BFSP1: variants seen among roughly 807,000 people sequenced by gnomAD.
BFSP1 encodes the protein filensin.
A neutral mutation model predicts 43.9 loss-of-function variants in BFSP1; 38 were observed. The ratio of observed to expected loss-of-function variants is 0.87; its 90% CI spans 0.67 to 1.14. The LOEUF (loss-of-function observed/expected upper bound fraction) is 1.14. Ranked by LOEUF, BFSP1 falls within the 50% of genes most tolerant of loss-of-function variation. The pLI, the probability that BFSP1 is intolerant of heterozygous loss-of-function variation, is 0.00. For synonymous variants in BFSP1, 352 were observed against 354.8 expected (o/e 0.99, Z 0.09); for missense variants, 850 against 875.1 (o/e 0.97, Z 0.36).
At chr20:17,543,403 T>C (rs1039308038) in intron 1 of BFSP1, among the ~76,000 whole-genome samples, 3 of 152,250 alleles carry the variant, frequency 2.0e-5, no homozygotes, top group Non-Finnish European at 1.5e-5. Flanking sequence ...TCAATCCAAC[T>C]TGTTATTAGA....
intron 4 of BFSP1, among the ~76,000 whole-genome samples, chr20:17,509,308 C>T (rs1701212532): frequency 6.6e-6 from 1 of 150,442 alleles, no homozygotes; most frequent in African/African-American, 2.5e-5. Flanking sequence ...GTCTTCAAGC[C>T]AGAAAGAGAG....
At position 17,531,084 on chromosome 20, in the gene BFSP1, G is replaced by A. The variant is rs1359437244; in HGVS notation, c.246C>T (p.Ala82=). The A allele has an allele frequency of 1.5e-6, 2 of 1,374,214 alleles. No individual in the cohort carries two copies. Among genetic ancestry groups the A allele is most frequent in the African/African-American group, 1.5e-5 (1 of 65,988 alleles). 85.1% of individuals were successfully genotyped at this position (1,374,214 alleles called of 1,614,324 possible). ...LDAFQRLGEL[A]GPEDALARQV... Reference sequence around the variant, plus strand: ...GGCGGGCGAGGGCGTCCTCGGGCCCGGCCAGCTCGCCCAGGCGCTGGAAGG... The same window carrying A: ...GGCGGGCGAGGGCGTCCTCGGGCCCAGCCAGCTCGCCCAGGCGCTGGAAGG... Residue 82 remains alanine (A), a synonymous_variant, in exon 1 of 8, where the codon GCC becomes GCT. Coordinates refer to ENST00000377873, the MANE Select transcript of BFSP1 (RefSeq NM_001195.5).
Position 17,494,583 on chromosome 20 carries a change from C to G in BFSP1, c.1489G>C (p.Val497Leu), listed in dbSNP as rs139511754. Residue 497 changes from valine to leucine, a missense_variant, in exon 8 of 8, where the codon GTT (valine) becomes CTT (leucine). Coordinates refer to ENST00000377873, the MANE Select transcript of BFSP1 (RefSeq NM_001195.5). Reference sequence around the variant, plus strand: ...AGCACAGAGTCTTCCGCAACAGAAACAGCCACCCCACCTTTAGCTGTGATG... The same window carrying G: ...AGCACAGAGTCTTCCGCAACAGAAAGAGCCACCCCACCTTTAGCTGTGATG... ...SSITAKGGVA[V>L]SVAEDSVLYD... 1.2e-6 allele frequency: 2 copies of G among 1,614,228 alleles called. No homozygotes were observed. Among genetic ancestry groups the G allele is most frequent in the Non-Finnish European group, 8.5e-7 (1 of 1,180,034 alleles).
At chr20:17,501,325 G>A (rs1349704013) in intron 5 of BFSP1, among the ~76,000 whole-genome samples, 5 of 152,190 alleles carry the variant, frequency 3.3e-5, no homozygotes, top group African/African-American at 9.6e-5. Flanking sequence ...AGCACTTAAG[G>A]AGGCCAAGGC....
chr20:17,559,376 C>T (rs1481529462), upstream of BFSP1, among the ~76,000 whole-genome samples: 2 of 152,222 alleles, frequency 1.3e-5, no homozygotes, highest in Non-Finnish European at 2.9e-5. Context: ...ATTGCTAAGA[C>T]TGTGCCAGGC....
chr20:17,555,986 A>G (rs762819658), intron 1 of BFSP1, among the ~76,000 whole-genome samples: 7 of 152,230 alleles, frequency 4.6e-5, no homozygotes, highest in Non-Finnish European at 1.0e-4. Context: ...TGGAGAGAAT[A>G]GAGCAAGCAA....
intron 1 of BFSP1, among the ~76,000 whole-genome samples, chr20:17,546,626 C>T (rs575394608): frequency 8.7e-5 from 13 of 149,890 alleles, no homozygotes; most frequent in Admixed American, 4.0e-4. Context: ...CCCTTGAACC[C>T]GGGAGGTGGA....
At chr20:17,520,132 T>C (rs1192146196) in intron 2 of BFSP1, among the ~76,000 whole-genome samples, 3 of 151,966 alleles carry the variant, frequency 2.0e-5, no homozygotes, top group Middle Eastern at 6.8e-3. Flanking sequence ...GGATCAGAAA[T>C]GCAAATACTC....
chr20:17,538,240 T>G (rs777901127), intron 1 of BFSP1, among the ~76,000 whole-genome samples: 1 of 152,036 alleles, frequency 6.6e-6, no homozygotes, highest in Non-Finnish European at 1.5e-5. Context: ...GGATGAGGCA[T>G]GATGTCCAAC....
chr20:17,529,774 CAGTG>C (rs543332766), intron 1 of BFSP1, among the ~76,000 whole-genome samples: 15 of 151,844 alleles, frequency 9.9e-5, no homozygotes, highest in East Asian at 7.7e-4. Context: ...GTACCTGTTG[CAGTG>C]AGTATCTTTG....
chr20:17,558,045 A>G (rs2035022453), intron 1 of BFSP1, among the ~76,000 whole-genome samples: 2 of 152,068 alleles, frequency 1.3e-5, no homozygotes, highest in South Asian at 4.1e-4. Flanking sequence ...CATTCTCTAA[A>G]CTTCATCTGA....
At chr20:17,543,735 G>T (rs2034756636) in intron 1 of BFSP1, among the ~76,000 whole-genome samples, 1 of 152,016 alleles carries the variant, frequency 6.6e-6, no homozygotes, top group Non-Finnish European at 1.5e-5. Flanking sequence ...TACCAGTGAA[G>T]ATATGCGAAG....
intron 1 of BFSP1, among the ~76,000 whole-genome samples, chr20:17,536,431 C>T (rs2034629833): frequency 6.6e-6 from 1 of 152,132 alleles, no homozygotes; most frequent in African/African-American, 2.4e-5. Flanking sequence ...ACTCAGGAGG[C>T]TGAGGTAGGA....
At chr20:17,549,664 C>T (rs375857233) in intron 1 of BFSP1, among the ~76,000 whole-genome samples, 3 of 151,896 alleles carry the variant, frequency 2.0e-5, no homozygotes, top group African/African-American at 4.8e-5. Context: ...GGTGAAACCC[C>T]GTCTGTACTA....
At chr20:17,495,598 G>C (rs2033613362) in intron 7 of BFSP1, among the ~76,000 whole-genome samples, 1 of 152,190 alleles carries the variant, frequency 6.6e-6, no homozygotes, top group Non-Finnish European at 1.5e-5. Context: ...CCACCCGGCT[G>C]TGATCAGCCT....
Position 17,507,311 on chromosome 20 carries a change from C to T in BFSP1, c.735+1578G>A, listed in dbSNP as rs56967283. On this transcript the variant is annotated intron_variant, in intron 5 of 7. Transcript: ENST00000377873. The surrounding 1 kb of genome is among the most constrained non-coding windows in gnomAD (Gnocchi z 4.4). The stretch of plus-strand genomic sequence containing the variant: ...TGTGTGTGTGTGTGTGTGTGTATTT[C>T]AACATATCCATATGGATATAGAGAG... Among the ~76,000 whole-genome samples, 4,009 of 146,668 alleles carry T rather than the reference C, an allele frequency of 0.027. 178 individuals carry two copies. Among genetic ancestry groups the T allele is most frequent in the African/African-American group, 0.093 (3,612 of 38,822 alleles).
intron 1 of BFSP1, among the ~76,000 whole-genome samples, chr20:17,557,631 C>T (rs1600687144): frequency 6.6e-6 from 1 of 152,216 alleles, no homozygotes; most frequent in Non-Finnish European, 1.5e-5. Flanking sequence ...TTGCCTGGGA[C>T]CTTCATGCGC....
intron 5 of BFSP1, among the ~76,000 whole-genome samples, chr20:17,502,134 C>T (rs1294760027): frequency 2.6e-5 from 4 of 151,832 alleles, no homozygotes; most frequent in African/African-American, 7.3e-5. Flanking sequence ...TGCACACCTG[C>T]TCTCAGATTT....
intron 1 of BFSP1, among the ~76,000 whole-genome samples, chr20:17,558,128 G>T (rs977632951): frequency 6.9e-6 from 1 of 144,906 alleles, no homozygotes; most frequent in Non-Finnish European, 1.5e-5. Flanking sequence ...ATGGGGGGGG[G>T]TTTTACTCAG....
Sources: gnomAD v4.1 joint callset for allele counts (sites outside exome capture counted in the v4.1 genomes callset) on GRCh38, gnomAD v4.1.1 for gene constraint, Gnocchi (gnomAD v3.1) non-coding constraint, MANE v1.5 for transcripts, NCBI Gene and HGNC (gene_info 2026-07-23, HGNC 2026-07-21) for gene names.